INTS3: variants seen among roughly 807,000 people sequenced by gnomAD.
INTS3 encodes integrator complex subunit 3.
A neutral mutation model predicts 146.3 loss-of-function variants in INTS3; 34 were observed. The ratio of observed to expected loss-of-function variants is 0.23; its 90% CI spans 0.18 to 0.31. The LOEUF (loss-of-function observed/expected upper bound fraction) is 0.31, where lower values mean the gene tolerates loss of function less well. INTS3 is among the 10% of genes least tolerant of loss of function. The pLI is 1.00. For synonymous variants in INTS3, 475 were observed against 494.9 expected, an observed-to-expected ratio of 0.96 and a Z score of 0.53; for missense variants, 757 against 1,304.2, an observed-to-expected ratio of 0.58 and a Z score of 6.46.
At chr1:153,764,365 CAA>C (rs1672496487) in intron 18 of INTS3, 144 bp downstream of exon 18, 2 of 653,854 alleles carry the variant, frequency 3.1e-6, no homozygotes, top group Admixed American at 2.6e-5. Context: ...CTCATTTAAA[CAA>C]GAGCTTATTT....
Position 153,757,538 on chromosome 1 carries a change from T to A in INTS3, c.958-34T>A. On this transcript the variant is annotated intron_variant, in intron 9 of 29. Transcript: ENST00000318967. This position sits in a 1 kb window ranked among gnomAD's most constrained non-coding sequence, Gnocchi z 4.0. ...TCTGGCCAAGGACCCCACACTGTCT[T>A]CTAAGGTCTTTTTCTTGCTTCCCCT... The A allele has an allele frequency of 6.2e-7, 1 of 1,603,490 alleles. No individual in the cohort carries two copies. Among genetic ancestry groups the A allele is most frequent in the Non-Finnish European group, 8.5e-7 (1 of 1,171,474 alleles).
chr1:153,746,515 C>T (rs919508874), intron 3 of INTS3, among the ~76,000 whole-genome samples: 1 of 152,236 alleles, frequency 6.6e-6, no homozygotes, highest in East Asian at 1.9e-4. Flanking sequence ...ATTCTCCTGC[C>T]TCAGCCTCCC....
intron 3 of INTS3, among the ~76,000 whole-genome samples, chr1:153,744,952 C>T (rs1671670417): frequency 6.6e-6 from 1 of 152,100 alleles, no homozygotes; most frequent in South Asian, 2.1e-4. Flanking sequence ...GGTTCTTCCT[C>T]TAATCTCTTA....
rs1214189964 is a variant in INTS3 at position 153,747,051 on chromosome 1, A to G, written c.413A>G (p.Gln138Arg). The change falls in exon 4 of 30, where the codon CAG (glutamine) becomes CGG (arginine). Residue 138 changes from glutamine (Q) to arginine (R), a missense_variant. Gln to Arg is a conservative substitution (Grantham distance 43, BLOSUM62 1). Transcript: ENST00000318967. Reference protein sequence around the residue: ...QILMEKYLKLQDTCRTQLVWL... With the variant: ...QILMEKYLKLRDTCRTQLVWL... ...CTTATGGAGAAGTACCTGAAGCTGC[A>G]GGATACCTGCCGTACTCAGGTAAGG... 6.2e-7 allele frequency: 1 copy of G among 1,610,766 alleles called. No individual in the cohort carries two copies. The highest frequency in any genetic ancestry group is 1.1e-5 in the South Asian group (1 of 91,012).
chr1:153,728,919 G>C (rs1163308413), intron 1 of INTS3, 135 bp downstream of exon 1: 1 of 599,586 alleles, frequency 1.7e-6, no homozygotes, highest in African/African-American at 2.0e-5. Flanking sequence ...CACAAACACT[G>C]CTCCAGCTTC....
At chr1:153,750,916 C>T (rs1671933741) in intron 6 of INTS3, 179 bp from the exon 7 acceptor site, 1 of 493,892 alleles carries the variant, frequency 2.0e-6, no homozygotes, top group Non-Finnish European at 3.5e-6. Context: ...GTAGCTTAGC[C>T]AGTTGATAGT....
intron 10 of INTS3, among the ~76,000 whole-genome samples, chr1:153,758,178 C>G (rs1416242842): frequency 6.6e-6 from 1 of 152,232 alleles, no homozygotes; most frequent in African/African-American, 2.4e-5. Context: ...TGCAGCGAAT[C>G]TGCAGTGGAG....
chr1:153,744,522 A>G (rs1376530478), intron 3 of INTS3, among the ~76,000 whole-genome samples: 1 of 152,188 alleles, frequency 6.6e-6, no homozygotes, highest in Non-Finnish European at 1.5e-5. Context: ...TTGGTCTCCC[A>G]ACCATCAACC....
Position 153,767,656 on chromosome 1 carries a change from G to T in INTS3, c.2091-18G>T. ...CACTGGGGTCAGGCTGCTGGCTCAG[G>T]CCCAGCTGGTCTTGCAGCAAAGCCG... On this transcript the variant is annotated intron_variant, in intron 20 of 29. Coordinates refer to ENST00000318967, the MANE Select transcript of INTS3 (RefSeq NM_023015.5). 6.4e-7 allele frequency: 1 copy of T among 1,560,198 alleles called. No individual in the cohort carries two copies.
intron 20 of INTS3, among the ~76,000 whole-genome samples, chr1:153,766,131 T>C (rs1429276459): frequency 1.4e-5 from 2 of 142,358 alleles, no homozygotes; most frequent in African/African-American, 5.2e-5. Flanking sequence ...TTTTTTTTTT[T>C]TTTTTTTTGA....
rs918946345 is a variant in INTS3, at chr1:153,774,480, G to A, written c.*1210G>A. On this transcript the variant is annotated 3_prime_UTR_variant, in exon 30 of 30. Coordinates refer to ENST00000318967, the MANE Select transcript of INTS3 (RefSeq NM_023015.5). ...CAACTGTACCTGGAGATAAAGTCTGGATACCAGGGAGGGACAGAGATGCTC... is the reference window on the plus strand; with the variant it reads ...CAACTGTACCTGGAGATAAAGTCTGAATACCAGGGAGGGACAGAGATGCTC... 3.9e-5 allele frequency: 6 copies of A among 152,254 alleles called. No homozygotes were observed. The highest frequency in any genetic ancestry group is 7.3e-5 in the Non-Finnish European group (5 of 68,106). 9.4% of individuals were successfully genotyped at this position (152,254 alleles called of 1,614,324 possible). A position where few individuals can be genotyped will look rare whatever the true frequency, so the allele number is the denominator to read the frequency against.
chr1:153,746,482 A>G (rs969844477), intron 3 of INTS3, among the ~76,000 whole-genome samples: 22 of 151,464 alleles, frequency 1.5e-4, no homozygotes, highest in African/African-American at 4.8e-4. Context: ...CTCACTGCAA[A>G]CTCCGCCTCC....
chr1:153,763,102 G>C, intron 15 of INTS3, 131 bp from the exon 16 acceptor site: 1 of 1,214,562 alleles, frequency 8.2e-7, no homozygotes, highest in Non-Finnish European at 1.2e-6. Context: ...AGATGCTTCA[G>C]GCACTCACAC....
At chr1:153,770,058 G>GGTGTGT (rs55766761) in intron 23 of INTS3, 140 bp from the exon 24 acceptor site, 79 of 444,182 alleles carry the variant, frequency 1.8e-4, no homozygotes, top group East Asian at 3.4e-4. Flanking sequence ...AGTGGATTGG[G>GGTGTGT]GTGTGTGTGT....
In INTS3 at chr1:153,774,566, CT is replaced by C. The variant is rs1673066103; in HGVS notation, c.*1297del. The C allele has an allele frequency of 6.5e-6, 1 of 153,924 alleles. No homozygotes were observed. Among genetic ancestry groups the C allele is most frequent in the African/African-American group, 2.4e-5 (1 of 41,446 alleles). The allele number at this position is 153,924 out of a possible 1,614,324, so 9.5% of individuals were successfully genotyped here. ...GAACCAGCAGAGGAGAGTTCCTTGG[CT>C]ATGCTGTTGTTCCCCCGCTGTCCAG... On this transcript the variant is annotated 3_prime_UTR_variant, in exon 30 of 30. Coordinates refer to ENST00000318967, the MANE Select transcript of INTS3 (RefSeq NM_023015.5).
chr1:153,769,946 G>GT, intron 23 of INTS3, 102 bp downstream of exon 23: 2 of 884,350 alleles, frequency 2.3e-6, no homozygotes, highest in South Asian at 2.8e-5. Context: ...GGGCTGGGAA[G>GT]TTAAGGGGAG....
intron 21 of INTS3, 149 bp from the exon 22 acceptor site, chr1:153,768,744 G>A (rs1672698795): frequency 1.6e-6 from 1 of 630,986 alleles, no homozygotes; most frequent in East Asian, 2.7e-5. Context: ...CAGCATCATA[G>A]CTGTTGGATC....
rs201005150 is a variant in INTS3 at position 153,728,609 on chromosome 1, C to T, written c.-26C>T. ...GACTGTCCATCCATCCACTCCCTGA[C>T]CTTTTCCCGGCTCCTGGCTGCAGCC... is the stretch of plus-strand genomic sequence containing the variant. On this transcript the variant is annotated 5_prime_UTR_variant, in exon 1 of 30. Transcript: ENST00000318967. The T allele has an allele frequency of 5.3e-5, 85 of 1,593,302 alleles. No individual in the cohort carries two copies. The East Asian group carries it at 1.9e-3, about 36-fold the overall frequency.
intron 8 of INTS3, 143 bp downstream of exon 8, chr1:153,752,551 C>A (rs1245271627): frequency 1.4e-5 from 11 of 786,086 alleles, no homozygotes; most frequent in Non-Finnish European, 2.0e-5. Context: ...CAAGCTTTGC[C>A]AAGTACAACT....
Sources: allele counts gnomAD v4.1 joint callset (sites outside exome capture counted in the v4.1 genomes callset), GRCh38; gene constraint gnomAD v4.1.1; non-coding constraint Gnocchi (gnomAD v3.1); transcripts MANE v1.5; gene names NCBI Gene and HGNC (gene_info 2026-07-23, HGNC 2026-07-21).